MECOM: variants seen among roughly 807,000 people sequenced by gnomAD.
MECOM encodes the protein MDS1 and EVI1 complex locus.
MECOM carries 13 observed loss-of-function variants against 116.3 expected under a neutral mutation model. The observed-to-expected ratio is 0.11, with a 90% CI of 0.07 to 0.18. The LOEUF (loss-of-function observed/expected upper bound fraction) is 0.18. Among genes scored for constraint, MECOM ranks in the 10% least tolerant of loss-of-function variants. The probability of loss-of-function intolerance (pLI) is 1.00; values close to 1 mark genes in which losing one functional copy is unlikely to be tolerated. For missense variants in MECOM, 1,299 were observed against 1,509.0 expected (o/e 0.86, Z 2.31); for synonymous variants, 528 against 535.2 (o/e 0.99, Z 0.19).
intron 1 of MECOM, among the ~76,000 whole-genome samples, chr3:169,521,641 G>A (rs1320712991): frequency 2.0e-5 from 3 of 152,182 alleles, no homozygotes; most frequent in African/African-American, 4.8e-5. Flanking sequence ...AGAAATGTAT[G>A]TTCTTGGGCT....
intron 2 of MECOM, among the ~76,000 whole-genome samples, chr3:169,298,825 GTT>G (rs748719559): frequency 3.9e-5 from 6 of 152,304 alleles, no homozygotes; most frequent in East Asian, 3.9e-4. Context: ...CGAATGTGTG[GTT>G]TCAGGAAGTG....
intron 1 of MECOM, among the ~76,000 whole-genome samples, chr3:169,415,870 T>C (rs1738501469): frequency 6.6e-6 from 1 of 152,136 alleles, no homozygotes; most frequent in Admixed American, 6.5e-5. Context: ...ACGAGATTCA[T>C]AAAGCAAGTT....
At chr3:169,558,767 C>G (rs1762313331) in intron 1 of MECOM, among the ~76,000 whole-genome samples, 2 of 152,082 alleles carry the variant, frequency 1.3e-5, no homozygotes, top group African/African-American at 2.4e-5. Context: ...GAAACAGCTG[C>G]TACAATTCTC....
intron 12 of MECOM, among the ~76,000 whole-genome samples, chr3:169,097,477 G>A (rs1298989123): frequency 6.6e-6 from 1 of 152,086 alleles, no homozygotes; most frequent in African/African-American, 2.4e-5. Flanking sequence ...GTTATTGGAT[G>A]TAGACATGGA....
rs763586979 is a variant in MECOM, at chr3:169,112,806, C to A, written c.2558G>T (p.Gly853Val). The part of the protein sequence containing the change: ...LKEKYLRPSP[G>V]FLFHPQFQLP... ...ACTTACTTGTGGGTGAAACAAGAAT[C>A]CTGGAGAAGGCCTCAAGTATTTCTC... The change falls in exon 9 of 17, where the codon GGA (glycine) becomes GTA (valine). Residue 853 changes from glycine (G) to valine (V), a missense_variant. Physicochemically the swap from Gly to Val is moderately radical, Grantham distance 109. Coordinates refer to ENST00000651503, the MANE Select transcript of MECOM (RefSeq NM_004991.4). 6.2e-7 allele frequency: 1 copy of A among 1,612,914 alleles called. No individual in the cohort carries two copies. The highest frequency in any genetic ancestry group is 8.5e-7 in the Non-Finnish European group (1 of 1,179,280).
At chr3:169,409,903 C>G (rs1244607704) in intron 1 of MECOM, among the ~76,000 whole-genome samples, 1 of 152,154 alleles carries the variant, frequency 6.6e-6, no homozygotes, top group Admixed American at 6.5e-5. Flanking sequence ...TGTGGGCTTT[C>G]CTAAACAACT....
At chr3:169,222,755 A>C (rs1291672631) in intron 2 of MECOM, among the ~76,000 whole-genome samples, 7 of 152,246 alleles carry the variant, frequency 4.6e-5, no homozygotes, top group African/African-American at 7.2e-5. Flanking sequence ...AAGTGTAAAC[A>C]CTAATTTTGT....
chr3:169,104,292 G>A (rs1466211346), intron 10 of MECOM, among the ~76,000 whole-genome samples: 1 of 152,204 alleles, frequency 6.6e-6, no homozygotes, highest in African/African-American at 2.4e-5. Flanking sequence ...GCATTAGCAT[G>A]TCCATGTTAC....
intron 1 of MECOM, among the ~76,000 whole-genome samples, chr3:169,567,997 T>A (rs764431538): frequency 1.3e-5 from 2 of 152,084 alleles, no homozygotes; most frequent in Non-Finnish European, 2.9e-5. Flanking sequence ...GCAGGTGATT[T>A]CTACATTTCC....
intron 2 of MECOM, among the ~76,000 whole-genome samples, chr3:169,363,623 T>C (rs546576648): frequency 4.5e-4 from 68 of 152,012 alleles, no homozygotes; most frequent in African/African-American, 1.6e-3. Context: ...ATAGAAATGG[T>C]GGAGAGGCAT....
In MECOM at chr3:169,663,374, C is replaced by A. The variant is rs1425336390; in HGVS notation, c.-2G>T. The stretch of plus-strand genomic sequence containing the variant: ...CCTTGCCCTGCCTTTGGATCTCATG[C>A]TGTGCCCAGTCCTGCAGCCGCTGGT... On this transcript the variant is annotated 5_prime_UTR_variant, in exon 1 of 17. Transcript: ENST00000651503. 5.6e-6 allele frequency: 9 copies of A among 1,610,270 alleles called. No individual in the cohort carries two copies. The Admixed American group carries it at 1.3e-4, about 24-fold the overall frequency.
intron 1 of MECOM, among the ~76,000 whole-genome samples, chr3:169,471,010 G>C (rs1749136190): frequency 6.6e-6 from 1 of 151,996 alleles, no homozygotes; most frequent in South Asian, 2.1e-4. Context: ...GGAGTTCAGT[G>C]GTGTGACCTT....
chr3:169,165,579 A>G lies in MECOM; in HGVS notation c.376-21747T>C, dbSNP rs182186961. Among the ~76,000 whole-genome samples, 5 of 152,286 alleles carry G rather than the reference A, an allele frequency of 3.3e-5. No individual in the cohort carries two copies. The East Asian group carries it at 9.6e-4, about 29-fold the overall frequency. ...CCCCCTGGCTTTTTTGAAGTGCTGT[A>G]TACACGATCTTGCAAGGCAAAACAC... On this transcript the variant is annotated intron_variant, in intron 2 of 16. Transcript: ENST00000651503.
intron 2 of MECOM, among the ~76,000 whole-genome samples, chr3:169,287,385 G>A (rs1713546585): frequency 6.6e-6 from 1 of 152,064 alleles, no homozygotes; most frequent in Non-Finnish European, 1.5e-5. Flanking sequence ...TGTTTTGCTG[G>A]AAAAATATAT....
At chr3:169,587,612 G>A (rs1243941302) in intron 1 of MECOM, among the ~76,000 whole-genome samples, 2 of 152,010 alleles carry the variant, frequency 1.3e-5, no homozygotes, top group Non-Finnish European at 2.9e-5. Context: ...AATTTTTTAC[G>A]TTTTAATATC....
intron 2 of MECOM, among the ~76,000 whole-genome samples, chr3:169,284,519 A>G (rs527542538): frequency 6.6e-6 from 1 of 152,178 alleles, no homozygotes; most frequent in South Asian, 2.1e-4. Context: ...AATTTCAAAT[A>G]GGCCCTGAAT....
At chr3:169,207,770 G>A (rs547591969) in intron 2 of MECOM, among the ~76,000 whole-genome samples, 21 of 152,096 alleles carry the variant, frequency 1.4e-4, no homozygotes, top group Non-Finnish European at 3.1e-4. Flanking sequence ...CATGTCTTCT[G>A]TTAGGCTCCA....
At chr3:169,545,088 A>G (rs1760562181) in intron 1 of MECOM, among the ~76,000 whole-genome samples, 1 of 152,176 alleles carries the variant, frequency 6.6e-6, no homozygotes. Context: ...ACGTGTTCCC[A>G]GGTTAAGGTA....
intron 1 of MECOM, among the ~76,000 whole-genome samples, chr3:169,612,053 TA>T (rs1769344970): frequency 6.6e-6 from 1 of 152,174 alleles, no homozygotes; most frequent in African/African-American, 2.4e-5. Context: ...AATCTCTAGT[TA>T]TGAGTTATGA....
Sources: gnomAD v4.1 joint callset for allele counts (sites outside exome capture counted in the v4.1 genomes callset) on GRCh38, gnomAD v4.1.1 for gene constraint, MANE v1.5 for transcripts, NCBI Gene and HGNC (gene_info 2026-07-23, HGNC 2026-07-21) for gene names.